RBFOX2: variants seen among roughly 807,000 people sequenced by gnomAD.
RBFOX2 encodes RNA binding fox-1 homolog 2, also known as RNA binding protein fox-1 homolog 2.
A neutral mutation model predicts 49.1 loss-of-function variants in RBFOX2; 10 were observed. The ratio of observed to expected loss-of-function variants is 0.20; its 90% confidence interval spans 0.13 to 0.35. RBFOX2 has a LOEUF of 0.35. Among genes scored for constraint, RBFOX2 ranks in the 10% least tolerant of loss-of-function variants. The pLI is 1.00. For synonymous variants in RBFOX2, 183 were observed against 187.4 expected, an observed-to-expected ratio of 0.98 and a Z score of 0.19; for missense variants, 323 against 486.9, an observed-to-expected ratio of 0.66 and a Z score of 3.17.
intron 1 of RBFOX2, among the ~76,000 whole-genome samples, chr22:35,850,234 A>ACACACACACACC (rs1458238256): frequency 6.8e-6 from 1 of 147,594 alleles, no homozygotes; most frequent in Non-Finnish European, 1.5e-5. Context: ...ACACACACAC[A>ACACACACACACC]CCCTTCTCAC....
At chr22:35,961,820 C>A (rs1196947358), upstream of RBFOX2, 1 of 699,948 alleles carries the variant, frequency 1.4e-6, no homozygotes, top group African/African-American at 1.9e-5. Context: ...GATTCAGAGT[C>A]CTATGACTAA....
chr22:35,884,185 T>C (rs760023446), intron 1 of RBFOX2, among the ~76,000 whole-genome samples: 2 of 151,716 alleles, frequency 1.3e-5, no homozygotes, highest in Non-Finnish European at 2.9e-5. Context: ...TTAGTAGAGA[T>C]GGGGTTTTGC....
intron 1 of RBFOX2, among the ~76,000 whole-genome samples, chr22:35,944,825 C>A (rs906525827): frequency 2.0e-5 from 3 of 152,156 alleles, no homozygotes; most frequent in African/African-American, 7.2e-5. Flanking sequence ...GCTGTAATCC[C>A]GGCACTTTGG....
chr22:35,967,179 G>C (rs926083142), intron 1 of RBFOX2, among the ~76,000 whole-genome samples: 2 of 152,070 alleles, frequency 1.3e-5, no homozygotes, highest in African/African-American at 4.8e-5. Flanking sequence ...GTTTGATGTA[G>C]TCAAATCATC....
chr22:35,868,691 C>T (rs1435183445), intron 1 of RBFOX2, among the ~76,000 whole-genome samples: 1 of 152,202 alleles, frequency 6.6e-6, no homozygotes, highest in Non-Finnish European at 1.5e-5. Context: ...TTGAGCTTCA[C>T]AAGGCCCATG....
At chr22:35,872,250 T>C (rs2149203010) in intron 1 of RBFOX2, among the ~76,000 whole-genome samples, 2 of 152,254 alleles carry the variant, frequency 1.3e-5, no homozygotes, top group South Asian at 4.2e-4. Context: ...CTCAAACCTC[T>C]AGGGGAGTAT....
At chr22:35,992,557 T>C (rs1246091753) in intron 1 of RBFOX2, 1 of 152,222 alleles carries the variant, frequency 6.6e-6, no homozygotes, top group African/African-American at 2.4e-5. Flanking sequence ...CAAATGGTTT[T>C]AACTGAATAC....
intron 1 of RBFOX2, among the ~76,000 whole-genome samples, chr22:35,913,843 A>G (rs1248163459): frequency 6.6e-6 from 1 of 152,076 alleles, no homozygotes; most frequent in Non-Finnish European, 1.5e-5. Context: ...CTGCCTGTCT[A>G]AGAAAAGGGG....
At position 35,948,692 on chromosome 22, in the gene RBFOX2, T is replaced by A. The variant is rs560832153; in HGVS notation, c.43-9795A>T. On this transcript the variant is annotated intron_variant, in intron 1 of 5. Coordinates refer to the RBFOX2 transcript ENST00000408983. ...AGAGTGAGACTGTCTCAAAAAAAAA[T>A]TTTTTTTAATTAAAATTTTAAAAAT... Among the ~76,000 whole-genome samples the A allele has an allele frequency of 2.8e-3, 430 of 151,774 alleles. 1 individual carries two copies. Among genetic ancestry groups the A allele is most frequent in the Non-Finnish European group, 4.1e-3 (279 of 67,908 alleles).
At chr22:35,970,214 C>G (rs764770164) in intron 1 of RBFOX2, among the ~76,000 whole-genome samples, 1 of 152,154 alleles carries the variant, frequency 6.6e-6, no homozygotes, top group Non-Finnish European at 1.5e-5. Flanking sequence ...TCCAAATACC[C>G]TGACACATTA....
upstream of RBFOX2, among the ~76,000 whole-genome samples, chr22:35,842,226 A>G (rs946667457): frequency 1.3e-5 from 2 of 152,182 alleles, no homozygotes; most frequent in African/African-American, 4.8e-5. Context: ...ATCAGGCTCT[A>G]TTCTGTGCAT....
chr22:35,862,941 T>C (rs551912795), intron 1 of RBFOX2, among the ~76,000 whole-genome samples: 5 of 152,144 alleles, frequency 3.3e-5, no homozygotes, highest in African/African-American at 7.2e-5. Context: ...TCATCATCAT[T>C]ATCTCTGATA....
intron 1 of RBFOX2, among the ~76,000 whole-genome samples, chr22:35,847,313 CTT>C (rs1291304394): frequency 3.9e-5 from 6 of 152,298 alleles, no homozygotes; most frequent in South Asian, 2.1e-4. Context: ...AGAGAACTCA[CTT>C]TGTTTCATTA....
At chr22:35,959,247 C>T (rs1377896900) in intron 1 of RBFOX2, among the ~76,000 whole-genome samples, 1 of 152,124 alleles carries the variant, frequency 6.6e-6, no homozygotes, top group East Asian at 1.9e-4. Flanking sequence ...GAGTCAGACT[C>T]AGAGAGATTA....
chr22:35,827,945 T>A (rs1956088169), intron 1 of RBFOX2, among the ~76,000 whole-genome samples: 1 of 152,132 alleles, frequency 6.6e-6, no homozygotes, highest in Non-Finnish European at 1.5e-5. Context: ...GGTGGGCAGA[T>A]CACCTGAGGT....
chr22:35,842,798 T>C (rs1051528580), upstream of RBFOX2, among the ~76,000 whole-genome samples: 3 of 151,998 alleles, frequency 2.0e-5, no homozygotes, highest in African/African-American at 7.3e-5. Context: ...CCAAGGAGTT[T>C]TTTTGTTTTG....
chr22:35,942,475 A>G (rs559054349), upstream of RBFOX2, among the ~76,000 whole-genome samples: 3 of 151,860 alleles, frequency 2.0e-5, no homozygotes, highest in Non-Finnish European at 2.9e-5. Context: ...AAAAACTAGG[A>G]AAAAAAACCT....
At chr22:35,744,124 A>G in exon 12 of RBFOX2, 2 of 1,257,914 alleles carry the variant, frequency 1.6e-6, no homozygotes, top group Non-Finnish European at 2.2e-6. Context: ...CTTGCTATAG[A>G]GTTCCTCTAC....
At chr22:35,822,214 C>G (rs1017027048) in intron 1 of RBFOX2, among the ~76,000 whole-genome samples, 1 of 152,170 alleles carries the variant, frequency 6.6e-6, no homozygotes, top group Non-Finnish European at 1.5e-5. Flanking sequence ...TGAATTAAAC[C>G]TCTACTTTTT....
Sources: gnomAD v4.1 joint callset for allele counts (sites outside exome capture counted in the v4.1 genomes callset) on GRCh38, gnomAD v4.1.1 for gene constraint, MANE v1.5 for transcripts, NCBI Gene and HGNC (gene_info 2026-07-23, HGNC 2026-07-21) for gene names.